LPCAT1: variants seen among roughly 807,000 people sequenced by gnomAD.
LPCAT1 encodes lysophosphatidylcholine acyltransferase 1.
A neutral mutation model predicts 60.9 loss-of-function variants in LPCAT1; 23 were observed. That is an observed-to-expected ratio of 0.38 (90% confidence interval 0.27 to 0.53). The LOEUF (loss-of-function observed/expected upper bound fraction) is 0.53, where lower values mean the gene tolerates loss of function less well. LPCAT1 is among the 20% of genes least tolerant of loss of function. LPCAT1 has a pLI of 0.82. For missense variants in LPCAT1, 622 were observed against 723.6 expected, an observed-to-expected ratio of 0.86 and a Z score of 1.61; for synonymous variants, 340 against 301.1, an observed-to-expected ratio of 1.13 and a Z score of -1.34.
At chr5:1,512,416 A>G (rs2126613940) in intron 1 of LPCAT1, among the ~76,000 whole-genome samples, 1 of 152,346 alleles carries the variant, frequency 6.6e-6, no homozygotes, top group South Asian at 2.1e-4. Flanking sequence ...CTATCCCTGA[A>G]GCACCCAGTG....
chr5:1,489,252 G>A (rs561331295), intron 4 of LPCAT1, among the ~76,000 whole-genome samples: 73 of 152,352 alleles, frequency 4.8e-4, no homozygotes, highest in Admixed American at 2.1e-3. Flanking sequence ...AGACAGTTCT[G>A]TAAAATTTCC....
In LPCAT1 at chr5:1,493,711, A is replaced by G. The variant is rs547969914; in HGVS notation, c.493+989T>C. 1.4e-3 allele frequency among the ~76,000 whole-genome samples: 209 copies of G among 152,326 alleles called. 1 individual carries two copies. Among genetic ancestry groups the G allele is most frequent in the South Asian group, 6.6e-3 (32 of 4,828 alleles). On this transcript the variant is annotated intron_variant, in intron 3 of 13. Transcript: ENST00000283415. ...GCTCTGGTGGGTCAGGGCTGCGCAC[A>G]GGTGGGTGAGGGGCCACGCAGGGCT...
At chr5:1,499,802 T>C (rs55838022) in intron 2 of LPCAT1, among the ~76,000 whole-genome samples, 28,388 of 152,196 alleles carry the variant, frequency 0.19, 2,791 homozygotes, top group South Asian at 0.24. Flanking sequence ...AGTGGCCGTC[T>C]TCCCCCTGCA....
chr5:1,498,838 TACAC>T (rs10674768), intron 2 of LPCAT1, among the ~76,000 whole-genome samples: 26 of 152,250 alleles, frequency 1.7e-4, no homozygotes, highest in African/African-American at 5.8e-4. Flanking sequence ...GTGGCTCACA[TACAC>T]ACAGTAATGC....
At chr5:1,478,058 A>G (rs554740687) in intron 8 of LPCAT1, among the ~76,000 whole-genome samples, 22 of 152,394 alleles carry the variant, frequency 1.4e-4, no homozygotes, top group East Asian at 1.9e-4. Flanking sequence ...TTCTGACAGC[A>G]TCAGTTTTGT....
intron 11 of LPCAT1, among the ~76,000 whole-genome samples, chr5:1,473,552 G>A (rs1469682007): frequency 6.6e-6 from 1 of 152,216 alleles, no homozygotes; most frequent in African/African-American, 2.4e-5. Context: ...ACACCCACAG[G>A]CTGGCGGGGA....
chr5:1,488,223 C>T (rs1049399388), intron 5 of LPCAT1, among the ~76,000 whole-genome samples, 168 bp downstream of exon 5: 3 of 152,244 alleles, frequency 2.0e-5, no homozygotes, highest in South Asian at 2.1e-4. Flanking sequence ...CCTTGACTCA[C>T]ATTCTCAAAT....
intron 1 of LPCAT1, among the ~76,000 whole-genome samples, chr5:1,509,307 G>A (rs1308660188): frequency 6.6e-6 from 1 of 152,264 alleles, no homozygotes; most frequent in African/African-American, 2.4e-5. Flanking sequence ...CAACATTGCT[G>A]CTTTAATTAT....
chr5:1,522,702 G>A lies in LPCAT1; in HGVS notation c.135+1008C>T, dbSNP rs1442489060. Among the ~76,000 whole-genome samples the A allele has an allele frequency of 6.6e-6, 1 of 152,146 alleles. No individual in the cohort carries two copies. The highest frequency in any genetic ancestry group is 1.5e-5 in the Non-Finnish European group (1 of 68,032). ...TGCATTAACAAATCTCCATCTTCCC[G>A]GAAATCTATTCTCACAATTGGAAGC... On this transcript the variant is annotated intron_variant, in intron 1 of 13. Transcript: ENST00000283415. The surrounding 1 kb of genome is among the most constrained non-coding windows in gnomAD (Gnocchi z 6.8).
At chr5:1,490,875 C>T (rs1026950882) in intron 3 of LPCAT1, among the ~76,000 whole-genome samples, 1 of 152,150 alleles carries the variant, frequency 6.6e-6, no homozygotes, top group African/African-American at 2.4e-5. Context: ...CCACACTCGG[C>T]GCCCCCCAGG....
In LPCAT1 at chr5:1,481,043, G is replaced by C. The variant is rs898558915; in HGVS notation, c.727-67C>G. 3 of 1,578,682 alleles carry C rather than the reference G, an allele frequency of 1.9e-6. No homozygotes were observed. The highest frequency in any genetic ancestry group is 2.6e-6 in the Non-Finnish European group (3 of 1,150,994). ...CCCAGGGCCTGCACCAAGCACCTGC[G>C]TGTGCCGGCCTCTCCCTGCACCTCC... On this transcript the variant is annotated intron_variant, in intron 6 of 13. Coordinates refer to ENST00000283415, the MANE Select transcript of LPCAT1 (RefSeq NM_024830.5). This position sits in a 1 kb window ranked among gnomAD's most constrained non-coding sequence, Gnocchi z 7.8.
intron 8 of LPCAT1, among the ~76,000 whole-genome samples, chr5:1,478,431 CTTTCT>C (rs1301247872): frequency 2.0e-5 from 3 of 152,270 alleles, no homozygotes; most frequent in African/African-American, 7.2e-5. Context: ...CAGCCATTCA[CTTTCT>C]TTTCAACTCT....
intron 10 of LPCAT1, 57 bp downstream of exon 10, chr5:1,474,503 A>T: frequency 6.3e-7 from 1 of 1,595,250 alleles, no homozygotes; most frequent in African/African-American, 1.3e-5. Context: ...AGCCCCCGCC[A>T]GACCTCGGCA....
chr5:1,500,039 T>C lies in LPCAT1; in HGVS notation c.278+1422A>G, dbSNP rs1353558122. Among the ~76,000 whole-genome samples, 2 of 152,238 alleles carry C rather than the reference T, an allele frequency of 1.3e-5. 1 individual carries two copies. The highest frequency in any genetic ancestry group is 2.9e-5 in the Non-Finnish European group (2 of 68,040). ...GCCACACGGCCTCTGTCCCAACCAC[T>C]TGGCCCGGTTCCCCACCAATGCAGC... On this transcript the variant is annotated intron_variant, in intron 2 of 13. Coordinates refer to ENST00000283415, the MANE Select transcript of LPCAT1 (RefSeq NM_024830.5).
Position 1,477,630 on chromosome 5 carries a change from G to A in LPCAT1, c.817-144C>T. On this transcript the variant is annotated intron_variant, in intron 8 of 13. Coordinates refer to ENST00000283415, the MANE Select transcript of LPCAT1 (RefSeq NM_024830.5). The surrounding 1 kb of genome is among the most constrained non-coding windows in gnomAD (Gnocchi z 6.0). The stretch of plus-strand genomic sequence containing the variant: ...GTCTTCAAAGTTGTCATGTGCACGT[G>A]TGTGTACGCACACACACACCCCCAT... 3 of 618,996 alleles carry A rather than the reference G, an allele frequency of 4.8e-6. No homozygotes were observed. Among genetic ancestry groups the A allele is most frequent in the Non-Finnish European group, 8.7e-6 (3 of 345,864 alleles). The allele number at this position is 618,996 out of a possible 1,614,324, so 38.3% of individuals were successfully genotyped here.
chr5:1,461,922 A>G lies in LPCAT1; in HGVS notation c.*1729T>C, dbSNP rs1734113029. On this transcript the variant is annotated 3_prime_UTR_variant, in exon 14 of 14. Coordinates refer to ENST00000283415, the MANE Select transcript of LPCAT1 (RefSeq NM_024830.5). ...TCCAATTATAAAATCAGTGACTGTT[A>G]GCTACCAAAGGCTGCACTAGGATTT... is the stretch of plus-strand genomic sequence containing the variant. 1 of 152,614 alleles carries G rather than the reference A, an allele frequency of 6.6e-6. No homozygotes were observed. The highest frequency in any genetic ancestry group is 2.1e-4 in the South Asian group (1 of 4,832). The allele number at this position is 152,614 out of a possible 1,614,324, so 9.5% of individuals were successfully genotyped here.
intron 12 of LPCAT1, among the ~76,000 whole-genome samples, chr5:1,469,486 G>A (rs1403944815): frequency 6.6e-6 from 1 of 152,238 alleles, no homozygotes; most frequent in Admixed American, 6.5e-5. Flanking sequence ...GGGCTGGTGG[G>A]GCCAGCAGAA....
intron 13 of LPCAT1, among the ~76,000 whole-genome samples, chr5:1,466,460 G>A (rs528055425): frequency 2.6e-5 from 4 of 152,302 alleles, no homozygotes; most frequent in Admixed American, 2.6e-4. Flanking sequence ...CCACCTCCAG[G>A]CACCTGAATC....
At chr5:1,510,132 T>C (rs922862020) in intron 1 of LPCAT1, among the ~76,000 whole-genome samples, 1 of 152,002 alleles carries the variant, frequency 6.6e-6, no homozygotes, top group Non-Finnish European at 1.5e-5. Context: ...CTCCCTGACC[T>C]TAGATTTCAG....
Sources: allele counts gnomAD v4.1 joint callset (sites outside exome capture counted in the v4.1 genomes callset), GRCh38; gene constraint gnomAD v4.1.1; non-coding constraint Gnocchi (gnomAD v3.1); transcripts MANE v1.5; gene names NCBI Gene and HGNC (gene_info 2026-07-23, HGNC 2026-07-21).